SATB1: variants seen among roughly 807,000 people sequenced by gnomAD.
SATB1 encodes the protein DNA-binding protein SATB1.
A neutral mutation model predicts 86.9 loss-of-function variants in SATB1; 11 were observed. The observed-to-expected ratio is 0.13, with a 90% CI of 0.08 to 0.21. The LOEUF is 0.21. Ranked by LOEUF, SATB1 falls within the 10% of genes least tolerant of loss-of-function variation. SATB1 has a pLI of 1.00. For synonymous variants in SATB1, 357 were observed against 357.2 expected (o/e 1.00, Z 0.01); for missense variants, 551 against 937.6 (o/e 0.59, Z 5.39).
intron 9 of SATB1, among the ~76,000 whole-genome samples, chr3:18,353,539 T>C (rs962196333): frequency 1.4e-5 from 2 of 138,696 alleles, no homozygotes; most frequent in Admixed American, 1.4e-4. Context: ...GGAAGTATAG[T>C]TTTTTTTTTA....
chr3:18,352,256 T>A lies in SATB1; in HGVS notation c.1576-61A>T. The A allele has an allele frequency of 6.8e-7, 1 of 1,470,728 alleles. No homozygotes were observed. Among genetic ancestry groups the A allele is most frequent in the South Asian group, 1.2e-5 (1 of 86,418 alleles). 91.1% of individuals were successfully genotyped at this position (1,470,728 alleles called of 1,614,324 possible). A position where few individuals can be genotyped will look rare whatever the true frequency, so the allele number is the denominator to read the frequency against. On this transcript the variant is annotated intron_variant, in intron 9 of 10. Transcript: ENST00000338745. This position sits in a 1 kb window ranked among gnomAD's most constrained non-coding sequence, Gnocchi z 4.1. ...TATGAGAGGGGCTGGCATTTTCCAT[T>A]AGGAGCTAAAAAGGAAAAACCCTAT... is the stretch of plus-strand genomic sequence containing the variant.
intron 1 of SATB1, among the ~76,000 whole-genome samples, chr3:18,438,120 A>G (rs1313800678): frequency 1.3e-5 from 2 of 152,226 alleles, no homozygotes; most frequent in Non-Finnish European, 2.9e-5. Context: ...AATATTTATA[A>G]CATAAAACCT....
intron 7 of SATB1, among the ~76,000 whole-genome samples, chr3:18,388,497 G>A (rs901556030): frequency 6.6e-6 from 1 of 152,080 alleles, no homozygotes; most frequent in African/African-American, 2.4e-5. Flanking sequence ...AATTCCTTGA[G>A]CATAATAATC....
At chr3:18,415,919 A>G in intron 4 of SATB1, 88 bp downstream of exon 4, 1 of 1,313,584 alleles carries the variant, frequency 7.6e-7, no homozygotes, top group Admixed American at 2.4e-5. Context: ...GACTAAAAAA[A>G]AATTGAAGGT....
At chr3:18,425,822 G>A (rs1003341682), upstream of SATB1, among the ~76,000 whole-genome samples, 17 of 144,350 alleles carry the variant, frequency 1.2e-4, no homozygotes, top group African/African-American at 3.8e-4. Flanking sequence ...TGGGAGGGAG[G>A]AGGGGCAGGA....
intron 4 of SATB1, 139 bp from the exon 5 acceptor site, chr3:18,415,373 G>A (rs1489931403): frequency 7.5e-6 from 7 of 937,796 alleles, no homozygotes; most frequent in South Asian, 3.3e-5. Flanking sequence ...TGATTGTTCC[G>A]ATTAGTTAAT....
chr3:18,371,569 C>T (rs74393469), intron 9 of SATB1, among the ~76,000 whole-genome samples: 1,572 of 152,220 alleles, frequency 0.01, 25 homozygotes, highest in East Asian at 0.032. Flanking sequence ...ATTTTACTAA[C>T]GTAAGTTCTT....
In SATB1 at chr3:18,444,691, C is replaced by G; in HGVS notation, c.-25+827G>C. 1.0e-6 allele frequency: 1 copy of G among 982,656 alleles called. No homozygotes were observed. The highest frequency in any genetic ancestry group is 1.2e-6 in the Non-Finnish European group (1 of 827,918). The allele number at this position is 982,656 out of a possible 1,614,324, so 60.9% of individuals were successfully genotyped here. ...GCTCCCCGGGCGGGCGCGCCGGCGT[C>G]GGACTTCCGAGGCGGCGGCTTCTGC... On this transcript the variant is annotated intron_variant, in intron 1 of 3. Transcript: ENST00000415069. This position sits in a 1 kb window ranked among gnomAD's most constrained non-coding sequence, Gnocchi z 5.1.
intron 2 of SATB1, among the ~76,000 whole-genome samples, chr3:18,418,200 G>A (rs1320389900): frequency 6.6e-6 from 1 of 152,112 alleles, no homozygotes; most frequent in Non-Finnish European, 1.5e-5. Context: ...GCCTCTATAA[G>A]CTCTGTCCTC....
chr3:18,432,749 G>C (rs1279730038), intron 2 of SATB1, among the ~76,000 whole-genome samples: 1 of 148,764 alleles, frequency 6.7e-6, no homozygotes, highest in Non-Finnish European at 1.5e-5. Context: ...TGTACACCTA[G>C]AAACAGTCAA....
intron 9 of SATB1, among the ~76,000 whole-genome samples, chr3:18,356,835 A>C (rs1250006863): frequency 6.6e-6 from 1 of 151,922 alleles, no homozygotes; most frequent in African/African-American, 2.4e-5. Context: ...TACTTTATAA[A>C]GCCTCACATG....
chr3:18,354,237 C>G (rs1694521436), intron 9 of SATB1, among the ~76,000 whole-genome samples: 1 of 152,174 alleles, frequency 6.6e-6, no homozygotes, highest in Non-Finnish European at 1.5e-5. Flanking sequence ...TGAAAATATA[C>G]ATTTTCCTAC....
At position 18,349,936 on chromosome 3, in the gene SATB1, GA is replaced by G. The variant is rs1694270884; in HGVS notation, c.1780-255del. On this transcript the variant is annotated intron_variant, in intron 10 of 10. Transcript: ENST00000338745. This position sits in a 1 kb window ranked among gnomAD's most constrained non-coding sequence, Gnocchi z 5.5. Reference sequence around the variant, plus strand: ...ACTTACTTATCAGAGATCAGCAGAGGAAGTGAAAACTCAGTGCTCTGAAAAT... The same window carrying G: ...ACTTACTTATCAGAGATCAGCAGAGGAGTGAAAACTCAGTGCTCTGAAAAT... 3 of 532,546 alleles carry G rather than the reference GA, an allele frequency of 5.6e-6. No homozygotes were observed. The highest frequency in any genetic ancestry group is 9.3e-6 in the Non-Finnish European group (3 of 324,292). The allele number at this position is 532,546 out of a possible 1,614,324, so 33.0% of individuals were successfully genotyped here. A position where few individuals can be genotyped will look rare whatever the true frequency, so the allele number is the denominator to read the frequency against.
At chr3:18,401,094 C>T (rs961306999) in intron 5 of SATB1, among the ~76,000 whole-genome samples, 4 of 151,946 alleles carry the variant, frequency 2.6e-5, no homozygotes, top group African/African-American at 9.7e-5. Flanking sequence ...GAGGCCTTTC[C>T]TAACTTCCCA....
intron 5 of SATB1, among the ~76,000 whole-genome samples, chr3:18,413,883 G>A (rs1697990733): frequency 6.6e-6 from 1 of 152,060 alleles, no homozygotes; most frequent in Non-Finnish European, 1.5e-5. Flanking sequence ...CAAAGTAAAA[G>A]TGTTGGAACG....
chr3:18,358,105 T>C (rs537184701), intron 9 of SATB1, among the ~76,000 whole-genome samples: 2 of 152,130 alleles, frequency 1.3e-5, no homozygotes, highest in East Asian at 1.9e-4. Flanking sequence ...GTGGTATTGA[T>C]CTTTCCAAAT....
Position 18,379,171 on chromosome 3 carries a change from T to G in SATB1, c.1420-846A>C, listed in dbSNP as rs540141102. 9.8e-5 allele frequency among the ~76,000 whole-genome samples: 15 copies of G among 152,308 alleles called. No individual in the cohort carries two copies. The South Asian group carries it at 3.1e-3, about 32-fold the overall frequency. On this transcript the variant is annotated intron_variant, in intron 8 of 10. Transcript: ENST00000338745. Reference sequence around the variant, plus strand: ...CTTTAGTAATAGTGATAAGCAGATATCGGCAGTAAAATGCCACAAAATTTT... The same window carrying G: ...CTTTAGTAATAGTGATAAGCAGATAGCGGCAGTAAAATGCCACAAAATTTT...
intron 9 of SATB1, among the ~76,000 whole-genome samples, chr3:18,365,446 C>G (rs11925800): frequency 6.8e-6 from 1 of 146,502 alleles, no homozygotes; most frequent in African/African-American, 2.5e-5. Context: ...ATTGGATGTG[C>G]GGGTGGGTAG....
chr3:18,394,085 GACA>G lies in SATB1; in HGVS notation c.1206+374_1206+376del, dbSNP rs1397053275. On this transcript the variant is annotated intron_variant, in intron 7 of 10. Transcript: ENST00000338745. This position sits in a 1 kb window ranked among gnomAD's most constrained non-coding sequence, Gnocchi z 5.9. ...GGGTAGTAACAACATAAATGGAAAAGACAATAGGCTAGAAGCCTGGAATCCTGC... is the reference window on the plus strand; with the variant it reads ...GGGTAGTAACAACATAAATGGAAAAGATAGGCTAGAAGCCTGGAATCCTGC... Among the ~76,000 whole-genome samples the G allele has an allele frequency of 1.3e-5, 2 of 152,156 alleles. No individual in the cohort carries two copies. Among genetic ancestry groups the G allele is most frequent in the Non-Finnish European group, 2.9e-5 (2 of 68,020 alleles).
Sources: allele counts gnomAD v4.1 joint callset (sites outside exome capture counted in the v4.1 genomes callset), GRCh38; gene constraint gnomAD v4.1.1; non-coding constraint Gnocchi (gnomAD v3.1); transcripts MANE v1.5; gene names NCBI Gene and HGNC (gene_info 2026-07-23, HGNC 2026-07-21).